The following CRTAP variants were observed in gnomAD, a reference collection of about 807,000 sequenced individuals.
The protein encoded by CRTAP is cartilage-associated protein.
Under a neutral mutation model 42.7 loss-of-function variants are expected in CRTAP, and 33 were observed. That is an observed-to-expected ratio of 0.77 (90% confidence interval 0.59 to 1.03). The LOEUF (loss-of-function observed/expected upper bound fraction) is 1.03, where lower values mean the gene tolerates loss of function less well. Among genes scored for constraint, CRTAP ranks in the 50% least tolerant of loss-of-function variants. The probability of loss-of-function intolerance (pLI) is 0.00; values close to 1 mark genes in which losing one functional copy is unlikely to be tolerated. For synonymous variants in CRTAP, 243 were observed against 217.7 expected (o/e 1.12, Z -1.02); for missense variants, 613 against 533.9 (o/e 1.15, Z -1.46).
At chr3:33,119,763 G>A (rs1701393324) in intron 1 of CRTAP, among the ~76,000 whole-genome samples, 1 of 152,186 alleles carries the variant, frequency 6.6e-6, no homozygotes, top group South Asian at 2.1e-4. Flanking sequence ...CAGTGCATGG[G>A]GAATCCACAA....
chr3:33,114,631 G>T, intron 1 of CRTAP, 83 bp downstream of exon 1: 1 of 1,333,444 alleles, frequency 7.5e-7, no homozygotes, highest in South Asian at 1.3e-5. Context: ...TGCGCCCGGG[G>T]CCGCGTTGCC....
chr3:33,120,539 TAAAG>T, intron 2 of CRTAP, 46 bp downstream of exon 2: 1 of 1,561,616 alleles, frequency 6.4e-7, no homozygotes, highest in Non-Finnish European at 8.7e-7. Context: ...CCTGGACTGT[TAAAG>T]AAATGTCTCT....
At chr3:33,130,093 G>C in intron 4 of CRTAP, 26 bp downstream of exon 4, 1 of 1,608,562 alleles carries the variant, frequency 6.2e-7, no homozygotes, top group Admixed American at 1.7e-5. Flanking sequence ...TGACATCTTG[G>C]GTGAGGCACT....
rs2030601625 is a variant in CRTAP at position 33,142,401 on chromosome 3, G to C, written c.1159G>C (p.Val387Leu). Residue 387 changes from valine to leucine, a missense_variant, in exon 7 of 7, where the codon GTT becomes CTT. Transcript: ENST00000320954. ...ENIMDDDEGE[V>L]VEYVDDLLEL... is the part of the protein sequence containing the mutation. ...GTCCTGTTGTCTCTTACAGGGAGAA[G>C]TTGTGGAATATGTGGATGACCTCTT... 6 of 1,613,944 alleles carry C rather than the reference G, an allele frequency of 3.7e-6. No homozygotes were observed. The highest frequency in any genetic ancestry group is 5.1e-6 in the Non-Finnish European group (6 of 1,179,900).
rs140620075 is a variant in CRTAP, at chr3:33,124,467, A to G, written c.681A>G (p.Thr227=). ...GTGAGAACTGGAGAACATCCATCAC[A>G]GACATGGAGCTGGCCCTTCCCGACT... ...YNGENWRTSI[T]DMELALPDFF... is the part of the protein sequence containing the mutation. Residue 227 remains threonine, a synonymous_variant, in exon 3 of 7, where the codon ACA becomes ACG. Transcript: ENST00000320954. 1 of 1,614,106 alleles carries G rather than the reference A, an allele frequency of 6.2e-7. No individual in the cohort carries two copies. Among genetic ancestry groups the G allele is most frequent in the Non-Finnish European group, 8.5e-7 (1 of 1,180,044 alleles).
Position 33,132,671 on chromosome 3 carries a change from C to T in CRTAP, c.1039C>T (p.Leu347Phe), listed in dbSNP as rs115198029. The stretch of plus-strand genomic sequence containing the variant: ...CCAGTACCACAGGGACACTTGGGGC[C>T]TCTCGGATGAGCACTTCCAGCCCAG... ...YYQYHRDTWG[L>F]SDEHFQPRPE... Residue 347 changes from leucine (L) to phenylalanine (F), a missense_variant, in exon 5 of 7, where the codon CTC becomes TTC. Transcript: ENST00000320954. The T allele has an allele frequency of 3.1e-3, 4,933 of 1,614,124 alleles. 10 individuals carry two copies. The highest frequency in any genetic ancestry group is 4.2e-3 in the Admixed American group (253 of 60,022).
chr3:33,114,230 G>A lies in CRTAP; in HGVS notation c.153G>A (p.Ala51=), dbSNP rs1394619011. 1.3e-6 allele frequency: 2 copies of A among 1,591,810 alleles called. No homozygotes were observed. The highest frequency in any genetic ancestry group is 1.1e-5 in the South Asian group (1 of 88,978). Residue 51 remains alanine (A), a synonymous_variant, in exon 1 of 7, where the codon GCG becomes GCA. Transcript: ENST00000320954. Reference sequence around the variant, plus strand: ...CGCTCGAGTCGGCCTACCGGCACGCGCTGGACAAGTACAGCGGCGAGCACT... The same window carrying A: ...CGCTCGAGTCGGCCTACCGGCACGCACTGGACAAGTACAGCGGCGAGCACT... ...LMPLESAYRH[A]LDKYSGEHWA... is the part of the protein sequence containing the mutation.
intron 6 of CRTAP, among the ~76,000 whole-genome samples, chr3:33,137,563 A>G (rs2030458980): frequency 6.6e-6 from 1 of 152,150 alleles, no homozygotes; most frequent in Non-Finnish European, 1.5e-5. Flanking sequence ...TCTTTTTATT[A>G]TTGTGTTGTA....
At chr3:33,116,160 A>G (rs763886644) in intron 1 of CRTAP, among the ~76,000 whole-genome samples, 1 of 152,208 alleles carries the variant, frequency 6.6e-6, no homozygotes, top group Non-Finnish European at 1.5e-5. Context: ...TTTCTTTAAT[A>G]TACAGATGAA....
intron 6 of CRTAP, among the ~76,000 whole-genome samples, chr3:33,139,635 C>G (rs2030518973): frequency 6.6e-6 from 1 of 152,108 alleles, no homozygotes; most frequent in Non-Finnish European, 1.5e-5. Context: ...TGCCACCACA[C>G]CCGGGTAATT....
Position 33,142,655 on chromosome 3 carries a change from C to G in CRTAP, c.*207C>G. 3.6e-6 allele frequency: 2 copies of G among 557,252 alleles called. No homozygotes were observed. The highest frequency in any genetic ancestry group is 2.1e-5 in the South Asian group (1 of 47,710). 34.5% of individuals were successfully genotyped at this position (557,252 alleles called of 1,614,324 possible). ...CCTGCCACCTCATGTTCACACCTAT[C>G]TTTCTCACCTTTTTTTTGAGATGGA... On this transcript the variant is annotated 3_prime_UTR_variant, in exon 7 of 7. Transcript: ENST00000320954.
At chr3:33,119,679 G>GTTTT (rs1208913654) in intron 1 of CRTAP, among the ~76,000 whole-genome samples, 68 of 152,296 alleles carry the variant, frequency 4.5e-4, no homozygotes, top group African/African-American at 1.5e-3. Context: ...AGGTGCCAGT[G>GTTTT]GAAAAGATAT....
chr3:33,134,098 A>G, intron 5 of CRTAP, 84 bp from the exon 6 acceptor site: 1 of 913,574 alleles, frequency 1.1e-6, no homozygotes, highest in Non-Finnish European at 1.8e-6. Context: ...CCTTAGAAAA[A>G]ACCCCATATC....
chr3:33,117,661 G>A (rs1400694352), intron 1 of CRTAP, among the ~76,000 whole-genome samples: 1 of 152,156 alleles, frequency 6.6e-6, no homozygotes, highest in Non-Finnish European at 1.5e-5. Context: ...CTAACTCCCC[G>A]GAACCACAGG....
intron 1 of CRTAP, among the ~76,000 whole-genome samples, chr3:33,119,700 T>C (rs1337322855): frequency 6.6e-6 from 1 of 152,158 alleles, no homozygotes; most frequent in Non-Finnish European, 1.5e-5. Context: ...GGTGCAGTCA[T>C]ATTGGGTAAT....
intron 1 of CRTAP, among the ~76,000 whole-genome samples, chr3:33,118,820 C>T (rs781603998): frequency 6.6e-6 from 1 of 152,178 alleles, no homozygotes; most frequent in Non-Finnish European, 1.5e-5. Flanking sequence ...TTTGCCTGCC[C>T]TCCTGAGGTC....
intron 5 of CRTAP, among the ~76,000 whole-genome samples, chr3:33,133,321 T>G (rs1284530446): frequency 4.0e-5 from 6 of 151,024 alleles, no homozygotes; most frequent in African/African-American, 7.3e-5. Context: ...TGCAGTGGCG[T>G]GATCTTGGCT....
intron 6 of CRTAP, among the ~76,000 whole-genome samples, chr3:33,138,118 G>A (rs188435705): frequency 2.7e-5 from 4 of 150,746 alleles, no homozygotes; most frequent in Admixed American, 2.6e-4. Context: ...TTTAAATTAC[G>A]TGGACTTTCA....
At position 33,114,273 on chromosome 3, in the gene CRTAP, T is replaced by C. The variant is rs1171295906; in HGVS notation, c.196T>C (p.Tyr66His). Residue 66 changes from tyrosine to histidine, a missense_variant, in exon 1 of 7, where the codon TAC becomes CAC. By Grantham distance (83) the Tyr-to-His change is moderately conservative. Transcript: ENST00000320954. ...CGAGCACTGGGCCGAGAGCGTGGGC[T>C]ACCTGGAGATCAGCCTGCGGCTGCA... is the stretch of plus-strand genomic sequence containing the variant. Reference protein sequence around the residue: ...SGEHWAESVGYLEISLRLHRL... With the variant: ...SGEHWAESVGHLEISLRLHRL... 28 of 1,581,036 alleles carry C rather than the reference T, an allele frequency of 1.8e-5. No individual in the cohort carries two copies. The East Asian group carries it at 6.5e-4, about 36-fold the overall frequency.
Sources: gnomAD v4.1 joint callset for allele counts (sites outside exome capture counted in the v4.1 genomes callset) on GRCh38, gnomAD v4.1.1 for gene constraint, MANE v1.5 for transcripts, NCBI Gene and HGNC (gene_info 2026-07-23, HGNC 2026-07-21) for gene names.